ARHGAP29: variants seen among roughly 807,000 people sequenced by gnomAD.
ARHGAP29 encodes the protein Rho GTPase activating protein 29.
Under a neutral mutation model 122.6 loss-of-function variants are expected in ARHGAP29, and 43 were observed. The ratio of observed to expected loss-of-function variants is 0.35; its 90% CI spans 0.27 to 0.45. The LOEUF (loss-of-function observed/expected upper bound fraction) is 0.45, where lower values mean the gene tolerates loss of function less well. ARHGAP29 is among the 20% of genes least tolerant of loss of function. The probability of loss-of-function intolerance (pLI) is 1.00; values close to 1 mark genes in which losing one functional copy is unlikely to be tolerated. For synonymous variants in ARHGAP29, 506 were observed against 497.1 expected (o/e 1.02, Z -0.24); for missense variants, 1,303 against 1,477.2 (o/e 0.88, Z 1.93).
At chr1:94,253,039 C>T (rs1654160692) in intron 1 of ARHGAP29, among the ~76,000 whole-genome samples, 2 of 151,910 alleles carry the variant, frequency 1.3e-5, no homozygotes, top group Admixed American at 6.6e-5. Flanking sequence ...GGCGTGATCT[C>T]GGCTCACTGC....
At position 94,174,490 on chromosome 1, in the gene ARHGAP29, T is replaced by G; in HGVS notation, c.3165A>C (p.Gly1055=). 6.2e-7 allele frequency: 1 copy of G among 1,614,194 alleles called. No homozygotes were observed. Among genetic ancestry groups the G allele is most frequent in the South Asian group, 1.1e-5 (1 of 91,078 alleles). Residue 1055 remains glycine (G), a synonymous_variant, in exon 23 of 23, where the codon GGA becomes GGC. Transcript: ENST00000260526. ...TAGTAGCAGCGTCTTTTCTATTAAC[T>G]CCTTCAAAGGCAGGATTCTTGCAAA... ...DKFCKNPAFE[G]VNRKDAATTV...
chr1:94,236,905 A>G (rs1439007234), intron 1 of ARHGAP29, among the ~76,000 whole-genome samples: 2 of 152,166 alleles, frequency 1.3e-5, no homozygotes, highest in African/African-American at 4.8e-5. Context: ...GCAAGAACAC[A>G]GACCCATAGT....
intron 5 of ARHGAP29, among the ~76,000 whole-genome samples, chr1:94,207,157 C>T (rs1195388264): frequency 6.6e-6 from 1 of 151,610 alleles, no homozygotes; most frequent in African/African-American, 2.4e-5. Context: ...TACAGATGCA[C>T]ATCACCCTTC....
chr1:94,178,031 G>A lies in ARHGAP29; in HGVS notation c.2617C>T (p.Arg873Cys), dbSNP rs757039419. Residue 873 changes from arginine (R) to cysteine (C), a missense_variant, in exon 21 of 23, where the codon CGC becomes TGC. Physicochemically the swap from Arg to Cys is radical, Grantham distance 180. Around this residue, in one of 3 missense-constraint regions of ARHGAP29, gnomAD observed 620 missense variants for 651.2 expected, o/e 0.95. Transcript: ENST00000260526. Reference protein sequence around the residue: ...SSLAEYSNQARLVEFLITYSQ... With the variant: ...SSLAEYSNQACLVEFLITYSQ... ...TAAGTAATGAGAAACTCTACCAAGC[G>A]TGCTTGATTTGAATACTCTGCAAGG... 5.8e-5 allele frequency: 93 copies of A among 1,614,032 alleles called. 1 individual carries two copies. Among genetic ancestry groups the A allele is most frequent in the Middle Eastern group, 1.6e-4 (1 of 6,084 alleles).
At chr1:94,263,734 G>T (rs1303298683) in intron 1 of ARHGAP29, among the ~76,000 whole-genome samples, 1 of 151,964 alleles carries the variant, frequency 6.6e-6, no homozygotes, top group Admixed American at 6.6e-5. Flanking sequence ...CTCCTGTGTG[G>T]ATATATGTAA....
At chr1:94,291,860 C>T in the ARHGAP29 span, among the ~76,000 whole-genome samples, 8 of 152,210 alleles carry the variant, frequency 5.3e-5, no homozygotes, top group African/African-American at 1.9e-4. Context: ...GGTAACCCAA[C>T]CCTTCTCTCC....
chr1:94,254,069 C>T (rs575527849), intron 1 of ARHGAP29, among the ~76,000 whole-genome samples: 178 of 152,284 alleles, frequency 1.2e-3, no homozygotes, highest in Admixed American at 2.2e-3. Flanking sequence ...CAATAGCTGA[C>T]AATGTGTGGC....
chr1:94,197,816 C>G (rs1650568073), intron 12 of ARHGAP29, among the ~76,000 whole-genome samples: 1 of 152,068 alleles, frequency 6.6e-6, no homozygotes, highest in African/African-American at 2.4e-5. Context: ...ATAAAACTCT[C>G]AGCAAACTAG....
In ARHGAP29 at chr1:94,169,019, G is replaced by A. The variant is rs1226586763; in HGVS notation, c.*4850C>T. 2.0e-5 allele frequency among the ~76,000 whole-genome samples: 3 copies of A among 152,192 alleles called. No individual in the cohort carries two copies. The East Asian group carries it at 5.8e-4, about 29-fold the overall frequency. ...AAATAGCATGATACAGTTATTGTAG[G>A]AAGTATTAATATTTAAAAATTGTTA... On this transcript the variant is annotated 3_prime_UTR_variant, in exon 23 of 23. Coordinates refer to ENST00000260526, the MANE Select transcript of ARHGAP29 (RefSeq NM_004815.4).
In ARHGAP29 at chr1:94,169,409, G is replaced by A. The variant is rs544263321; in HGVS notation, c.*4460C>T. Among the ~76,000 whole-genome samples the A allele has an allele frequency of 2.6e-5, 4 of 152,252 alleles. No homozygotes were observed. The highest frequency in any genetic ancestry group is 2.6e-4 in the Admixed American group (4 of 15,300). ...ATTTGGGACTGGGTGTGATGAGACA[G>A]CAGCTGGCATGTCAAGAGGTTGAGG... On this transcript the variant is annotated 3_prime_UTR_variant, in exon 23 of 23. Coordinates refer to ENST00000260526, the MANE Select transcript of ARHGAP29 (RefSeq NM_004815.4).
chr1:94,203,819 C>T, intron 8 of ARHGAP29, 111 bp downstream of exon 8: 2 of 809,198 alleles, frequency 2.5e-6, no homozygotes, highest in Non-Finnish European at 3.9e-6. Flanking sequence ...ATAAAAAGAT[C>T]AGCATTTAAG....
the ARHGAP29 span, among the ~76,000 whole-genome samples, chr1:94,301,023 T>G: frequency 6.6e-6 from 1 of 152,182 alleles, no homozygotes; most frequent in African/African-American, 2.4e-5. Context: ...CATTTTACCT[T>G]TGGAAGCTAA....
chr1:94,239,428 C>G (rs1191299271), upstream of ARHGAP29, among the ~76,000 whole-genome samples: 2 of 151,844 alleles, frequency 1.3e-5, no homozygotes, highest in East Asian at 3.9e-4. Flanking sequence ...TGAACAAGTT[C>G]CTGATGGAGA....
chr1:94,288,073 C>T, the ARHGAP29 span, among the ~76,000 whole-genome samples: 20 of 151,990 alleles, frequency 1.3e-4, no homozygotes, highest in African/African-American at 3.9e-4. Context: ...TTGATCCACA[C>T]GGTCTTCCAC....
At chr1:94,282,863 G>T in the ARHGAP29 span, among the ~76,000 whole-genome samples, 1 of 152,184 alleles carries the variant, frequency 6.6e-6, no homozygotes, top group Admixed American at 6.5e-5. Flanking sequence ...TTGTCTCCAG[G>T]CAAAAATAAG....
chr1:94,201,637 T>G, intron 12 of ARHGAP29, 83 bp downstream of exon 12: 1 of 1,534,662 alleles, frequency 6.5e-7, no homozygotes, highest in Non-Finnish European at 8.8e-7. Context: ...CCTCCCAAAG[T>G]GCTGGGATTA....
the ARHGAP29 span, among the ~76,000 whole-genome samples, chr1:94,292,144 T>C: frequency 6.6e-6 from 1 of 152,186 alleles, no homozygotes; most frequent in Admixed American, 6.5e-5. Context: ...GGAGGCTTTG[T>C]TTGTTTCTTT....
chr1:94,242,786 A>G (rs1162132972), intron 1 of ARHGAP29, among the ~76,000 whole-genome samples: 1 of 152,088 alleles, frequency 6.6e-6, no homozygotes, highest in Non-Finnish European at 1.5e-5. Flanking sequence ...GTGAGTAAAA[A>G]AGTAAGACCC....
In ARHGAP29 at chr1:94,171,862, G is replaced by C. The variant is rs1372007201; in HGVS notation, c.*2007C>G. 6.6e-6 allele frequency: 1 copy of C among 152,140 alleles called. No homozygotes were observed. Among genetic ancestry groups the C allele is most frequent in the Non-Finnish European group, 1.5e-5 (1 of 68,024 alleles). The allele number at this position is 152,140 out of a possible 1,614,324, so 9.4% of individuals were successfully genotyped here. On this transcript the variant is annotated 3_prime_UTR_variant, in exon 23 of 23. Coordinates refer to ENST00000260526, the MANE Select transcript of ARHGAP29 (RefSeq NM_004815.4). ...AGAAGTTTAAAAGTACATTTTCTAA[G>C]TTTTAGTATAGGATGATGATAATGT...
Sources: allele counts gnomAD v4.1 joint callset (sites outside exome capture counted in the v4.1 genomes callset), GRCh38; gene constraint gnomAD v4.1.1; regional missense constraint gnomAD v4.1.1; transcripts MANE v1.5; gene names NCBI Gene and HGNC (gene_info 2026-07-23, HGNC 2026-07-21).